MFSD6L: variants seen among roughly 807,000 people sequenced by gnomAD.
MFSD6L encodes the protein major facilitator superfamily domain-containing protein 6-like.
MFSD6L carries 9 observed loss-of-function variants against 6.4 expected under a neutral mutation model. That is an observed-to-expected ratio of 1.42 (90% confidence interval 0.85 to 2.47). The LOEUF (loss-of-function observed/expected upper bound fraction) is 2.47. Among genes scored for constraint, MFSD6L ranks in the 30% most tolerant of loss-of-function variants. The probability of loss-of-function intolerance (pLI) is 0.00; values close to 1 mark genes in which losing one functional copy is unlikely to be tolerated. For synonymous variants in MFSD6L, 336 were observed against 322.4 expected, an observed-to-expected ratio of 1.04 and a Z score of -0.45; for missense variants, 747 against 730.6, an observed-to-expected ratio of 1.02 and a Z score of -0.26.
Position 8,799,065 on chromosome 17 carries a change from A to T in MFSD6L, c.56T>A (p.Phe19Tyr). 6.2e-7 allele frequency: 1 copy of T among 1,602,708 alleles called. No homozygotes were observed. The highest frequency in any genetic ancestry group is 8.5e-7 in the Non-Finnish European group (1 of 1,174,634). Residue 19 changes from phenylalanine to tyrosine, a missense_variant, in exon 1 of 1, where the codon TTC becomes TAC. Physicochemically the swap from Phe to Tyr is conservative, Grantham distance 22 (BLOSUM62 3). Coordinates refer to ENST00000329805, the MANE Select transcript of MFSD6L (RefSeq NM_152599.4). This position sits in a 1 kb window ranked among gnomAD's most constrained non-coding sequence, Gnocchi z 5.3. ...TTCCCGCACCCCGCACACCAGGTGGAAGAGCTTGGCCACCCCCAGCGCCCT... is the reference window on the plus strand; with the variant it reads ...TTCCCGCACCCCGCACACCAGGTGGTAGAGCTTGGCCACCCCCAGCGCCCT... ...ISRALGVAKL[F>Y]HLVCGVREAC...
In MFSD6L at chr17:8,797,493, C is replaced by CGCTGTA. The variant is rs2087008078; in HGVS notation, c.1622_1627dup (p.Gln542_Arg543insLeuGln). The CGCTGTA allele has an allele frequency of 6.2e-7, 1 of 1,614,164 alleles. No individual in the cohort carries two copies. The highest frequency in any genetic ancestry group is 8.5e-7 in the Non-Finnish European group (1 of 1,180,002). On this transcript the variant is annotated inframe_insertion, in exon 1 of 1. Transcript: ENST00000329805. The stretch of plus-strand genomic sequence containing the variant: ...GATTTTCCGCTCTCGGGGCAGCCTC[C>CGCTGTA]GCTGTATGGACAGGAGCAAGGCCAA...
In MFSD6L at chr17:8,797,349, T is replaced by C; in HGVS notation, c.*11A>G. 1 of 1,542,400 alleles carries C rather than the reference T, an allele frequency of 6.5e-7. No homozygotes were observed. Among genetic ancestry groups the C allele is most frequent in the Non-Finnish European group, 8.7e-7 (1 of 1,145,070 alleles). ...TTGCTGGATCAGCACACTCTGGATTTCTCAGCCCTTTCAGTCTGAGTGTTC... is the reference window on the plus strand; with the variant it reads ...TTGCTGGATCAGCACACTCTGGATTCCTCAGCCCTTTCAGTCTGAGTGTTC... On this transcript the variant is annotated 3_prime_UTR_variant, in exon 1 of 1. Transcript: ENST00000329805.
At position 8,797,880 on chromosome 17, in the gene MFSD6L, TC is replaced by T. The variant is rs2087013034; in HGVS notation, c.1240del (p.Glu414LysfsTer25). On this transcript the variant is annotated frameshift_variant, in exon 1 of 1. Transcript: ENST00000329805. LOFTEE classifies it low-confidence loss of function (END_TRUNC). ...GFSVALSLLGEILLHPFKATL... is the reference protein window; with the variant it reads ...GFSVALSLLGXILLHPFKATL... ...AGCTTTGAACGGATGAAGCAGAATT[TC>T]CCCCAGCAAGCTGAGGGCGACCGAG... is the stretch of plus-strand genomic sequence containing the variant. 1 of 1,613,948 alleles carries T rather than the reference TC, an allele frequency of 6.2e-7. No individual in the cohort carries two copies. Among genetic ancestry groups the T allele is most frequent in the African/African-American group, 1.3e-5 (1 of 74,984 alleles).
In MFSD6L at chr17:8,798,919, A is replaced by T; in HGVS notation, c.202T>A (p.Phe68Ile). 1 of 1,613,928 alleles carries T rather than the reference A, an allele frequency of 6.2e-7. No homozygotes were observed. The highest frequency in any genetic ancestry group is 8.5e-7 in the Non-Finnish European group (1 of 1,179,906). ...CTTTTCCGGTAGCTTTTGGCCAGGA[A>T]GGCACAGACGGGAGCCCAGAAGGCA... is the stretch of plus-strand genomic sequence containing the variant. The part of the protein sequence containing the change: ...IAAFWAPVCA[F>I]LAKSYRKRRA... The change falls in exon 1 of 1, where the codon TTC becomes ATC. Residue 68 changes from phenylalanine to isoleucine, a missense_variant. Phe to Ile is a conservative substitution (Grantham distance 21). Transcript: ENST00000329805.
In MFSD6L at chr17:8,798,577, T is replaced by C; in HGVS notation, c.544A>G (p.Thr182Ala). The C allele has an allele frequency of 6.2e-7, 1 of 1,614,156 alleles. No homozygotes were observed. Among genetic ancestry groups the C allele is most frequent in the South Asian group, 1.1e-5 (1 of 91,076 alleles). ...LAPSVEGARTTSQALLHPVTS... is the reference protein window; with the variant it reads ...LAPSVEGARTASQALLHPVTS... ...ACAGGATGGAGGAGAGCTTGGGATG[T>C]GGTCCTAGCTCCTTCAACGGAGGGC... is the stretch of plus-strand genomic sequence containing the variant. Residue 182 changes from threonine to alanine, a missense_variant, in exon 1 of 1, where the codon ACA becomes GCA. Transcript: ENST00000329805.
In MFSD6L at chr17:8,799,236, A is replaced by G. The variant is rs571725318; in HGVS notation, c.-116T>C. 5.6e-4 allele frequency: 509 copies of G among 914,806 alleles called. 3 individuals are homozygous for G. In the African/African-American group the frequency reaches 7.7e-3, roughly 14 times the overall value. The allele number at this position is 914,806 out of a possible 1,614,324, so 56.7% of individuals were successfully genotyped here. ...GGGACCGGGGCTCGGAGCGAGTGGG[A>G]CTGCGCCCCCGGTCTGGGGCGGCGC... On this transcript the variant is annotated 5_prime_UTR_variant, in exon 1 of 1. Coordinates refer to ENST00000329805, the MANE Select transcript of MFSD6L (RefSeq NM_152599.4). The surrounding 1 kb of genome is among the most constrained non-coding windows in gnomAD (Gnocchi z 5.3).
Position 8,798,869 on chromosome 17 carries a change from C to A in MFSD6L, c.252G>T (p.Leu84=), listed in dbSNP as rs2087022629. 1.2e-6 allele frequency: 2 copies of A among 1,613,942 alleles called. No individual in the cohort carries two copies. Among genetic ancestry groups the A allele is most frequent in the African/African-American group, 2.7e-5 (2 of 74,932 alleles). ...RKRRALLIGS[L]LGSVGASLLM... ...GCAGGCTGGCCCCCACCGAGCCGAG[C>A]AGGGAGCCGATCAGAAGCGCTCTCC... The change falls in exon 1 of 1, where the codon CTG becomes CTT. Residue 84 remains leucine (L), a synonymous_variant. Coordinates refer to ENST00000329805, the MANE Select transcript of MFSD6L (RefSeq NM_152599.4).
Position 8,797,979 on chromosome 17 carries a change from A to T in MFSD6L, c.1142T>A (p.Ile381Asn). The T allele has an allele frequency of 1.2e-6, 2 of 1,613,938 alleles. No individual in the cohort carries two copies. The highest frequency in any genetic ancestry group is 1.7e-5 in the Admixed American group (1 of 60,008). ...CAGAAAGTTCTGGACAGTACTGACG[A>T]TGGCTCCTACCAAAACAGTGGTGGA... ...LASTTVLVGA[I>N]VSTVQNFLFW... Residue 381 changes from isoleucine to asparagine, a missense_variant, in exon 1 of 1, where the codon ATC (isoleucine) becomes AAC (asparagine). Transcript: ENST00000329805.
rs542579542 is a variant in MFSD6L at position 8,799,240 on chromosome 17, C to T, written c.-120G>A. On this transcript the variant is annotated 5_prime_UTR_variant, in exon 1 of 1. Coordinates refer to ENST00000329805, the MANE Select transcript of MFSD6L (RefSeq NM_152599.4). This position sits in a 1 kb window ranked among gnomAD's most constrained non-coding sequence, Gnocchi z 5.3. The stretch of plus-strand genomic sequence containing the variant: ...CCGGGGCTCGGAGCGAGTGGGACTG[C>T]GCCCCCGGTCTGGGGCGGCGCCGCG... 1.4e-3 allele frequency: 1,163 copies of T among 858,374 alleles called. 15 individuals carry two copies. In the African/African-American group the frequency reaches 0.018, roughly 13 times the overall value. The allele number at this position is 858,374 out of a possible 1,614,324, so 53.2% of individuals were successfully genotyped here.
rs1301711630 is a variant in MFSD6L at position 8,797,719 on chromosome 17, T to C, written c.1402A>G (p.Asn468Asp). The C allele has an allele frequency of 1.2e-5, 19 of 1,613,820 alleles. No individual in the cohort carries two copies. The highest frequency in any genetic ancestry group is 1.6e-5 in the Non-Finnish European group (19 of 1,180,026). The change falls in exon 1 of 1, where the codon AAC (asparagine) becomes GAC (aspartate). Residue 468 changes from asparagine to aspartate, a missense_variant. By Grantham distance (23) the Asn-to-Asp change is conservative. Transcript: ENST00000329805. ...LPIQILSAIS[N>D]RALWWAVGAS... ...CCCACAGCCCACCACAAAGCTCTGT[T>C]GCTAATGGCACTCAAGATCTGAATG...
Position 8,798,339 on chromosome 17 carries a change from G to A in MFSD6L, c.782C>T (p.Ala261Val), listed in dbSNP as rs1384292338. ...GTCATCTGCCACCTGCTCCAGAGGC[G>A]CTGTCAGCAGCTCCCAGAACGCCAC... ...GSVAFWELLT[A>V]PLEQVADDSL... The change falls in exon 1 of 1, where the codon GCG (alanine) becomes GTG (valine). Residue 261 changes from alanine (A) to valine (V), a missense_variant. Ala to Val is a moderately conservative substitution (Grantham distance 64). Transcript: ENST00000329805. 3.7e-6 allele frequency: 6 copies of A among 1,610,286 alleles called. No homozygotes were observed. The highest frequency in any genetic ancestry group is 1.6e-4 in the Middle Eastern group (1 of 6,082).
Position 8,798,485 on chromosome 17 carries a change from C to A in MFSD6L, c.636G>T (p.Leu212Phe). ...TFEVVKTALP[L>F]LPGGKGPGNP... Reference sequence around the variant, plus strand: ...TCCCGGGCCCTTTCCCCCCAGGAAGCAAGGGGAGGGCTGTCTTGACCACCT... The same window carrying A: ...TCCCGGGCCCTTTCCCCCCAGGAAGAAAGGGGAGGGCTGTCTTGACCACCT... The change falls in exon 1 of 1, where the codon TTG becomes TTT. Residue 212 changes from leucine to phenylalanine, a missense_variant. Coordinates refer to ENST00000329805, the MANE Select transcript of MFSD6L (RefSeq NM_152599.4). 6.2e-7 allele frequency: 1 copy of A among 1,607,062 alleles called. No homozygotes were observed. Among genetic ancestry groups the A allele is most frequent in the Non-Finnish European group, 8.5e-7 (1 of 1,175,782 alleles).
rs763170815 is a variant in MFSD6L, at chr17:8,797,960, G to T, written c.1161C>A (p.Asn387Lys). 46 of 1,613,908 alleles carry T rather than the reference G, an allele frequency of 2.9e-5. No individual in the cohort carries two copies. In the South Asian group the frequency reaches 4.8e-4, roughly 17 times the overall value. The change falls in exon 1 of 1, where the codon AAC becomes AAA. Residue 387 changes from asparagine (N) to lysine (K), a missense_variant. Coordinates refer to ENST00000329805, the MANE Select transcript of MFSD6L (RefSeq NM_152599.4). ...LVGAIVSTVQ[N>K]FLFWHMKDHG... is the part of the protein sequence containing the mutation. The stretch of plus-strand genomic sequence containing the variant: ...GGTCCTTCATGTGCCAGAACAGAAA[G>T]TTCTGGACAGTACTGACGATGGCTC...
chr17:8,797,263 C>G lies in MFSD6L; in HGVS notation c.*97G>C. On this transcript the variant is annotated 3_prime_UTR_variant, in exon 1 of 1. Transcript: ENST00000329805. ...GACCCATCCTCTCTTCCCCGGCTCC[C>G]AGCAGTCCAGGGCAGGTTTCTGTCC... 8.4e-7 allele frequency: 1 copy of G among 1,185,668 alleles called. No individual in the cohort carries two copies. The allele number at this position is 1,185,668 out of a possible 1,614,324, so 73.4% of individuals were successfully genotyped here. A position where few individuals can be genotyped will look rare whatever the true frequency, so the allele number is the denominator to read the frequency against.
rs2087007221 is a variant in MFSD6L at position 8,797,395 on chromosome 17, G to C, written c.1726C>G (p.Leu576Val). The change falls in exon 1 of 1, where the codon CTT (leucine) becomes GTT (valine). Residue 576 changes from leucine (L) to valine (V), a missense_variant. Coordinates refer to ENST00000329805, the MANE Select transcript of MFSD6L (RefSeq NM_152599.4). ...DSEQGTEQDW[L>V]VKAMREEHSD ...TGTTCCTCCCTCATGGCCTTCACAAGCCAGTCCTGTTCTGTCCCCTGCTCA... is the reference window on the plus strand; with the variant it reads ...TGTTCCTCCCTCATGGCCTTCACAACCCAGTCCTGTTCTGTCCCCTGCTCA... The C allele has an allele frequency of 3.8e-6, 6 of 1,593,198 alleles. No individual in the cohort carries two copies. The East Asian group carries it at 1.3e-4, about 36-fold the overall frequency.
chr17:8,797,588 C>A lies in MFSD6L; in HGVS notation c.1533G>T (p.Gly511=). 3 of 1,613,550 alleles carry A rather than the reference C, an allele frequency of 1.9e-6. No individual in the cohort carries two copies. The highest frequency in any genetic ancestry group is 2.5e-6 in the Non-Finnish European group (3 of 1,179,844). The change falls in exon 1 of 1, where the codon GGG becomes GGT. Residue 511 remains glycine (G), a synonymous_variant. Transcript: ENST00000329805. The part of the protein sequence containing the change: ...GSGCSLGSFV[G]GFVVMRFSLA... ...GGCTGAAGCGCATCACCACGAAGCC[C>A]CCGACAAAGCTGCCCAGGCTACAGC...
rs1291382625 is a variant in MFSD6L at position 8,797,110 on chromosome 17, A to G, written c.*250T>C. On this transcript the variant is annotated 3_prime_UTR_variant, in exon 1 of 1. Transcript: ENST00000329805. ...GTAAACATATAGTGACTATAGAGGG[A>G]ACTTTTTAAAAAGCAAATGTATTCT... 4.8e-6 allele frequency: 2 copies of G among 414,460 alleles called. No homozygotes were observed. Among genetic ancestry groups the G allele is most frequent in the Non-Finnish European group, 8.5e-6 (2 of 235,178 alleles). The allele number at this position is 414,460 out of a possible 1,614,324, so 25.7% of individuals were successfully genotyped here.
At position 8,799,130 on chromosome 17, in the gene MFSD6L, GCT is replaced by G. The variant is rs748120806; in HGVS notation, c.-12_-11del. On this transcript the variant is annotated 5_prime_UTR_variant, in exon 1 of 1. Coordinates refer to ENST00000329805, the MANE Select transcript of MFSD6L (RefSeq NM_152599.4). The surrounding 1 kb of genome is among the most constrained non-coding windows in gnomAD (Gnocchi z 5.3). ...GGGGGTTGGCACTCATGGCTGCCGG[GCT>G]CTGTCAGGCCTGGGCCGACGGAGGG... is the stretch of plus-strand genomic sequence containing the variant. 1.3e-6 allele frequency: 2 copies of G among 1,538,544 alleles called. No homozygotes were observed. The highest frequency in any genetic ancestry group is 2.3e-5 in the East Asian group (1 of 44,074).
rs1314492755 is a variant in MFSD6L at position 8,797,962 on chromosome 17, TC to T, written c.1158del (p.Asn387ThrfsTer7). On this transcript the variant is annotated frameshift_variant, in exon 1 of 1. Transcript: ENST00000329805. LOFTEE classifies it low-confidence loss of function (END_TRUNC). ...VLVGAIVSTV[Q>X]NFLFWHMKDH... ...TCCTTCATGTGCCAGAACAGAAAGT[TC>T]TGGACAGTACTGACGATGGCTCCTA... The T allele has an allele frequency of 6.2e-7, 1 of 1,613,706 alleles. No homozygotes were observed. Among genetic ancestry groups the T allele is most frequent in the Non-Finnish European group, 8.5e-7 (1 of 1,179,966 alleles).
Sources: allele counts gnomAD v4.1 joint callset, GRCh38; gene constraint gnomAD v4.1.1; non-coding constraint Gnocchi (gnomAD v3.1); transcripts MANE v1.5; gene names NCBI Gene and HGNC (gene_info 2026-07-23, HGNC 2026-07-21).